Variants in LYPLA1 observed in about 807,000 individuals in gnomAD.
The protein encoded by LYPLA1 is acyl-protein thioesterase 1.
In LYPLA1, 17 loss-of-function variants were observed where a neutral mutation model predicts 34.0. The ratio of observed to expected loss-of-function variants is 0.50; its 90% CI spans 0.34 to 0.75. LYPLA1 has a LOEUF of 0.75. LYPLA1 is among the 30% of genes least tolerant of loss of function. The pLI is 0.01. For synonymous variants in LYPLA1, 98 were observed against 100.8 expected, an observed-to-expected ratio of 0.97 and a Z score of 0.17; for missense variants, 203 against 288.8, an observed-to-expected ratio of 0.70 and a Z score of 2.15.
At chr8:54,065,669 C>G in intron 3 of LYPLA1, 79 bp downstream of exon 3, 1 of 1,031,300 alleles carries the variant, frequency 9.7e-7, no homozygotes, top group Non-Finnish European at 1.5e-6. Context: ...TATTCAAATA[C>G]TTTTCTGGAA....
intron 2 of LYPLA1, among the ~76,000 whole-genome samples, chr8:54,071,586 A>AT (rs1387068322): frequency 6.6e-6 from 1 of 152,186 alleles, no homozygotes; most frequent in Non-Finnish European, 1.5e-5. Flanking sequence ...GCGATATGAG[A>AT]TTTTTTTGTA....
intron 2 of LYPLA1, among the ~76,000 whole-genome samples, chr8:54,090,811 G>T (rs966431277): frequency 2.6e-5 from 4 of 152,148 alleles, no homozygotes; most frequent in African/African-American, 9.7e-5. Flanking sequence ...AGAGATAATT[G>T]AATCACAGGG....
intron 2 of LYPLA1, among the ~76,000 whole-genome samples, chr8:54,072,173 T>TG (rs1245123909): frequency 2.0e-5 from 3 of 152,182 alleles, no homozygotes; most frequent in African/African-American, 7.2e-5. Flanking sequence ...CCAGGATAAC[T>TG]GGGTGACCAT....
At chr8:54,060,774 C>T (rs1806560640) in intron 5 of LYPLA1, among the ~76,000 whole-genome samples, 1 of 149,922 alleles carries the variant, frequency 6.7e-6, no homozygotes, top group African/African-American at 2.5e-5. Flanking sequence ...CTCACTGCAA[C>T]CTCCACCTAC....
chr8:54,089,907 G>A (rs537786446), intron 2 of LYPLA1, among the ~76,000 whole-genome samples: 5 of 152,186 alleles, frequency 3.3e-5, no homozygotes, highest in Non-Finnish European at 5.9e-5. Flanking sequence ...CTATTGCTAC[G>A]GAATAAAAGA....
chr8:54,093,676 C>T (rs186778877), intron 2 of LYPLA1, among the ~76,000 whole-genome samples: 3 of 152,254 alleles, frequency 2.0e-5, no homozygotes, highest in Non-Finnish European at 2.9e-5. Context: ...GTATGTCTCA[C>T]CCTTTAATTC....
At chr8:54,061,627 A>C (rs1806641685) in intron 5 of LYPLA1, among the ~76,000 whole-genome samples, 1 of 151,996 alleles carries the variant, frequency 6.6e-6, no homozygotes, top group African/African-American at 2.4e-5. Flanking sequence ...AAAAAATTAA[A>C]ACCTGGCGGG....
Position 54,100,578 on chromosome 8 carries a change from A to C in LYPLA1, c.101+330T>G, listed in dbSNP as rs144851479. The C allele has an allele frequency of 9.1e-3, 2,741 of 301,900 alleles. 19 individuals carry two copies. Among genetic ancestry groups the C allele is most frequent in the Middle Eastern group, 0.017 (16 of 956 alleles). The allele number at this position is 301,900 out of a possible 1,614,324, so 18.7% of individuals were successfully genotyped here. On this transcript the variant is annotated intron_variant, in intron 2 of 8. Coordinates refer to ENST00000316963, the MANE Select transcript of LYPLA1 (RefSeq NM_006330.4). ...TAGTTCTTCTCTTCAATCTGCTCTG[A>C]AATTTTAACTGCTCTGGAAAGCTCT...
intron 2 of LYPLA1, among the ~76,000 whole-genome samples, chr8:54,095,163 G>A (rs1011481277): frequency 2.0e-5 from 3 of 151,950 alleles, no homozygotes; most frequent in Non-Finnish European, 2.9e-5. Context: ...TGTCCAGCTA[G>A]TTTTTTAATT....
chr8:54,078,722 G>A (rs1563627952), intron 2 of LYPLA1, among the ~76,000 whole-genome samples: 2 of 152,108 alleles, frequency 1.3e-5, no homozygotes, highest in African/African-American at 4.8e-5. Flanking sequence ...TTGCCCTGAG[G>A]TAAGTCTGAA....
At chr8:54,046,028 C>T (rs984995721), downstream of LYPLA1, among the ~76,000 whole-genome samples, 3 of 151,476 alleles carry the variant, frequency 2.0e-5, no homozygotes, top group Non-Finnish European at 2.9e-5. Context: ...ACCACTGCAC[C>T]CCAGCCTGGG....
intron 5 of LYPLA1, among the ~76,000 whole-genome samples, chr8:54,059,679 C>T (rs1276180479): frequency 6.6e-6 from 1 of 152,178 alleles, no homozygotes; most frequent in East Asian, 1.9e-4. Context: ...TGCCTGTAAT[C>T]CCAGTACTTT....
intron 2 of LYPLA1, among the ~76,000 whole-genome samples, chr8:54,081,205 A>G (rs1240192112): frequency 6.6e-6 from 1 of 152,206 alleles, no homozygotes; most frequent in Non-Finnish European, 1.5e-5. Context: ...AATATTTCAC[A>G]GTAAATTTTG....
intron 6 of LYPLA1, chr8:54,053,738 G>A (rs548402144): frequency 4.4e-6 from 2 of 456,242 alleles, no homozygotes; most frequent in Non-Finnish European, 8.8e-6. Context: ...ATTGTTTATG[G>A]AAAGGTAAAT....
At chr8:54,061,699 T>C (rs1485846018) in intron 5 of LYPLA1, among the ~76,000 whole-genome samples, 1 of 151,940 alleles carries the variant, frequency 6.6e-6, no homozygotes, top group Non-Finnish European at 1.5e-5. Context: ...GAAGGGTCGC[T>C]TGAGTTCAGG....
chr8:54,062,291 C>T lies in LYPLA1; in HGVS notation c.249G>A (p.Gln83=). The T allele has an allele frequency of 1.2e-6, 2 of 1,607,358 alleles. No individual in the cohort carries two copies. The highest frequency in any genetic ancestry group is 2.7e-5 in the African/African-American group (2 of 74,736). Residue 83 remains glutamine (Q), a synonymous_variant, in exon 5 of 9, where the codon CAG becomes CAA. Transcript: ENST00000316963. Reference sequence around the variant, plus strand: ...CCTGTTTAATCCCAGATTCATCCTCCTGTGAATCTGGTGAAAGCCCAATAA... The same window carrying T: ...CCTGTTTAATCCCAGATTCATCCTCTTGTGAATCTGGTGAAAGCCCAATAA... The part of the protein sequence containing the change: ...FDIIGLSPDS[Q]EDESGIKQAA...
chr8:54,086,083 G>A (rs1808738763), intron 2 of LYPLA1, among the ~76,000 whole-genome samples: 2 of 152,154 alleles, frequency 1.3e-5, no homozygotes, highest in South Asian at 4.1e-4. Flanking sequence ...TCTGTATTAA[G>A]AAAAATTCTT....
chr8:54,100,950 A>G lies in LYPLA1; in HGVS notation c.70-11T>C. 1 of 1,606,782 alleles carries G rather than the reference A, an allele frequency of 6.2e-7. No individual in the cohort carries two copies. The highest frequency in any genetic ancestry group is 8.5e-7 in the Non-Finnish European group (1 of 1,173,388). Reference sequence around the variant, plus strand: ...ATGCAGGAAAATCACCTATAAGAGAAGAGGAAAATTAATAAGCAATGCCTA... The same window carrying G: ...ATGCAGGAAAATCACCTATAAGAGAGGAGGAAAATTAATAAGCAATGCCTA... On this transcript the variant is annotated splice_polypyrimidine_tract_variant and intron_variant, in intron 1 of 8. Coordinates refer to ENST00000316963, the MANE Select transcript of LYPLA1 (RefSeq NM_006330.4).
intron 4 of LYPLA1, 65 bp downstream of exon 4, chr8:54,063,263 A>C: frequency 9.5e-7 from 1 of 1,054,146 alleles, no homozygotes; most frequent in Non-Finnish European, 1.4e-6. Flanking sequence ...TGTACACAAA[A>C]GCATTTCTGA....
Sources: allele counts gnomAD v4.1 joint callset (sites outside exome capture counted in the v4.1 genomes callset), GRCh38; gene constraint gnomAD v4.1.1; transcripts MANE v1.5; gene names NCBI Gene and HGNC (gene_info 2026-07-23, HGNC 2026-07-21).